Variants in RALYL observed in about 807,000 individuals in gnomAD.
RALYL encodes the protein RALY RNA binding protein like.
RALYL carries 29 observed loss-of-function variants against 35.1 expected under a neutral mutation model. The ratio of observed to expected loss-of-function variants is 0.83; its 90% CI spans 0.61 to 1.13. The LOEUF (loss-of-function observed/expected upper bound fraction) is 1.13. Among genes scored for constraint, RALYL ranks in the 50% most tolerant of loss-of-function variants. RALYL has a pLI of 0.00. For synonymous variants in RALYL, 120 were observed against 127.6 expected (o/e 0.94, Z 0.40); for missense variants, 359 against 360.4 (o/e 1.00, Z 0.03).
intron 1 of RALYL, among the ~76,000 whole-genome samples, chr8:84,242,854 A>T (rs1319004902): frequency 1.3e-5 from 2 of 152,068 alleles, no homozygotes; most frequent in Non-Finnish European, 2.9e-5. Flanking sequence ...ATTAGATTCC[A>T]TTTGTCAATT....
At chr8:84,895,415 T>C in intron 8 of RALYL, among the ~76,000 whole-genome samples, 1 of 152,126 alleles carries the variant, frequency 6.6e-6, no homozygotes, top group Middle Eastern at 3.4e-3. Flanking sequence ...TGTATCCTCT[T>C]ATATATTTTT....
At chr8:84,567,692 T>A (rs112607993) in intron 2 of RALYL, among the ~76,000 whole-genome samples, 1 of 150,922 alleles carries the variant, frequency 6.6e-6, no homozygotes, top group Non-Finnish European at 1.5e-5. Context: ...TTTTTTTTTA[T>A]AATGATTTAT....
intron 2 of RALYL, among the ~76,000 whole-genome samples, chr8:84,622,394 T>C (rs1440771718): frequency 6.6e-6 from 1 of 152,224 alleles, no homozygotes; most frequent in Non-Finnish European, 1.5e-5. Flanking sequence ...CAGCCTCAGA[T>C]ATGAGCATCG....
chr8:84,793,191 CT>C (rs1228545486), intron 3 of RALYL, among the ~76,000 whole-genome samples: 3 of 152,132 alleles, frequency 2.0e-5, no homozygotes, highest in Admixed American at 2.0e-4. Flanking sequence ...AGCCACAAGA[CT>C]GGGTGAGAAC....
chr8:84,437,107 A>C (rs948417101), intron 1 of RALYL, among the ~76,000 whole-genome samples: 1 of 152,060 alleles, frequency 6.6e-6, no homozygotes, highest in Non-Finnish European at 1.5e-5. Context: ...CTTACTTGTA[A>C]ATGAGAACAT....
intron 1 of RALYL, among the ~76,000 whole-genome samples, chr8:84,495,973 A>G (rs2055965046): frequency 1.3e-5 from 2 of 152,062 alleles, no homozygotes; most frequent in Non-Finnish European, 2.9e-5. Flanking sequence ...TACTTCTCTG[A>G]ATTTTGTCTT....
At chr8:84,834,070 A>G (rs183705497) in intron 4 of RALYL, among the ~76,000 whole-genome samples, 19 of 152,344 alleles carry the variant, frequency 1.2e-4, no homozygotes, top group African/African-American at 4.6e-4. Context: ...ATTTTAATTC[A>G]GTATGTTAAA....
chr8:84,860,284 G>A (rs992385698), intron 5 of RALYL, among the ~76,000 whole-genome samples: 3 of 152,120 alleles, frequency 2.0e-5, no homozygotes, highest in Non-Finnish European at 4.4e-5. Context: ...AGATTGGCTT[G>A]TTTAGTGAAC....
intron 1 of RALYL, among the ~76,000 whole-genome samples, chr8:84,339,589 A>T (rs1848414925): frequency 6.6e-6 from 1 of 151,992 alleles, no homozygotes; most frequent in Non-Finnish European, 1.5e-5. Context: ...TAATAATAGA[A>T]ATAAAGTGTA....
intron 2 of RALYL, among the ~76,000 whole-genome samples, chr8:84,685,052 G>T (rs756016321): frequency 1.3e-5 from 2 of 152,024 alleles, no homozygotes. Flanking sequence ...CCTTATGAAG[G>T]CACTAATCCT....
chr8:84,756,293 A>G (rs1218627263), intron 2 of RALYL, among the ~76,000 whole-genome samples: 2 of 152,178 alleles, frequency 1.3e-5, no homozygotes, highest in Non-Finnish European at 2.9e-5. Flanking sequence ...GCTTGAGGTA[A>G]GCAGATATAA....
chr8:84,591,688 A>G (rs1013358164), intron 2 of RALYL, among the ~76,000 whole-genome samples: 2 of 152,220 alleles, frequency 1.3e-5, no homozygotes, highest in Admixed American at 6.5e-5. Flanking sequence ...TCGTCTCCCA[A>G]TATCACTCAT....
chr8:84,770,972 T>C (rs971364147), intron 2 of RALYL, among the ~76,000 whole-genome samples: 8 of 152,190 alleles, frequency 5.3e-5, no homozygotes, highest in African/African-American at 1.7e-4. Context: ...GTATAAATTG[T>C]GAAGATTTTC....
At chr8:84,666,273 C>T (rs1832020176) in intron 2 of RALYL, among the ~76,000 whole-genome samples, 3 of 151,968 alleles carry the variant, frequency 2.0e-5, no homozygotes, top group Non-Finnish European at 2.9e-5. Context: ...CTTCTGAGAC[C>T]ATAGTGAAGA....
intron 2 of RALYL, among the ~76,000 whole-genome samples, chr8:84,541,042 A>G (rs964973209): frequency 2.6e-5 from 4 of 151,908 alleles, no homozygotes; most frequent in Non-Finnish European, 5.9e-5. Context: ...TTAGTCATCT[A>G]TTCAAACACC....
chr8:84,326,807 A>G (rs1391095531), intron 1 of RALYL, among the ~76,000 whole-genome samples: 1 of 152,194 alleles, frequency 6.6e-6, no homozygotes, highest in Non-Finnish European at 1.5e-5. Context: ...TTTAAGGGTA[A>G]TACTCAGAAT....
chr8:84,307,945 G>A (rs1842126295), intron 1 of RALYL, among the ~76,000 whole-genome samples: 1 of 151,888 alleles, frequency 6.6e-6, no homozygotes, highest in Non-Finnish European at 1.5e-5. Context: ...CTTGAGTTGT[G>A]TAAAGCAAGT....
chr8:84,610,287 T>C (rs1432759427), intron 2 of RALYL, among the ~76,000 whole-genome samples: 1 of 152,120 alleles, frequency 6.6e-6, no homozygotes, highest in Non-Finnish European at 1.5e-5. Flanking sequence ...CAGACTTTCT[T>C]TGTTTTTGAT....
chr8:84,910,579 A>G (rs1847337552), intron 8 of RALYL, among the ~76,000 whole-genome samples: 1 of 152,022 alleles, frequency 6.6e-6, no homozygotes, highest in African/African-American at 2.4e-5. Context: ...GTAAAAATAT[A>G]TATAAGAGAT....
Sources: allele counts gnomAD v4.1 joint callset (sites outside exome capture counted in the v4.1 genomes callset), GRCh38; gene constraint gnomAD v4.1.1; transcripts MANE v1.5; gene names NCBI Gene and HGNC (gene_info 2026-07-23, HGNC 2026-07-21).